TACC2: variants seen among roughly 807,000 people sequenced by gnomAD.
TACC2 encodes transforming acidic coiled-coil containing protein 2.
TACC2 carries 137 observed loss-of-function variants against 227.3 expected under a neutral mutation model. That is an observed-to-expected ratio of 0.60 (90% confidence interval 0.52 to 0.69). TACC2 has a LOEUF of 0.69. Ranked by LOEUF, TACC2 falls within the 30% of genes least tolerant of loss-of-function variation. The pLI is 0.00. For missense variants in TACC2, 3,470 were observed against 3,694.4 expected, an observed-to-expected ratio of 0.94 and a Z score of 1.57; for synonymous variants, 1,523 against 1,487.5, an observed-to-expected ratio of 1.02 and a Z score of -0.55.
intron 5 of TACC2, among the ~76,000 whole-genome samples, chr10:122,111,060 T>C (rs1206056600): frequency 6.6e-6 from 1 of 152,238 alleles, no homozygotes; most frequent in Admixed American, 6.5e-5. Context: ...GCCACATCTC[T>C]TTCTCTGACT....
rs1019018862 is a variant in TACC2 at position 122,011,903 on chromosome 10, T to C, written c.-45-10034T>C. 3.9e-5 allele frequency among the ~76,000 whole-genome samples: 6 copies of C among 152,026 alleles called. No individual in the cohort carries two copies. The South Asian group carries it at 8.3e-4, about 21-fold the overall frequency. On this transcript the variant is annotated intron_variant, in intron 1 of 22. Transcript: ENST00000369005. The stretch of plus-strand genomic sequence containing the variant: ...AGCTCTGCCAGCATATCAGTCAGAG[T>C]TGATGAAAACCTTCCAGTTTTTTGT...
At chr10:122,078,197 A>G (rs867873228) in intron 3 of TACC2, among the ~76,000 whole-genome samples, 159 of 80,530 alleles carry the variant, frequency 2.0e-3, no homozygotes, top group African/African-American at 6.3e-3. Flanking sequence ...TCCATCTCCA[A>G]AAAAAAAAAA....
At chr10:122,040,085 A>AGG (rs1491454531) in intron 2 of TACC2, among the ~76,000 whole-genome samples, 2 of 152,274 alleles carry the variant, frequency 1.3e-5, no homozygotes, top group East Asian at 3.9e-4. Flanking sequence ...GGCTGTTCTC[A>AGG]GGGGGCTCTA....
intron 3 of TACC2, among the ~76,000 whole-genome samples, chr10:122,065,071 G>A (rs2077239354): frequency 6.6e-6 from 1 of 152,138 alleles, no homozygotes; most frequent in Admixed American, 6.5e-5. Flanking sequence ...TTTTATACAC[G>A]GATACTTGTT....
chr10:122,124,118 A>G (rs2086373824), intron 5 of TACC2, among the ~76,000 whole-genome samples: 1 of 152,144 alleles, frequency 6.6e-6, no homozygotes, highest in Non-Finnish European at 1.5e-5. Flanking sequence ...GGCCTCTTTA[A>G]TCTTTATTAA....
At chr10:122,098,300 C>T (rs1012350842) in intron 5 of TACC2, among the ~76,000 whole-genome samples, 1 of 152,140 alleles carries the variant, frequency 6.6e-6, no homozygotes, top group Non-Finnish European at 1.5e-5. Context: ...GATCTTGTTT[C>T]TTGGAGAATG....
Position 122,083,938 on chromosome 10 carries a change from G to A in TACC2, c.1438G>A (p.Glu480Lys). ...RQVSDLGSKG[E>K]HPEGDPGEVP... ...GGTGTCAGATCTTGGAAGCAAGGGA[G>A]AGCATCCAGAAGGGGACCCTGGAGA... The change falls in exon 4 of 23, where the codon GAG (glutamate) becomes AAG (lysine). Residue 480 changes from glutamate to lysine, a missense_variant. Glu to Lys is a moderately conservative substitution (Grantham distance 56). Transcript: ENST00000369005. The A allele has an allele frequency of 6.2e-7, 1 of 1,614,062 alleles. No individual in the cohort carries two copies. The highest frequency in any genetic ancestry group is 8.5e-7 in the Non-Finnish European group (1 of 1,180,020).
chr10:122,218,360 C>G (rs1253562769), intron 11 of TACC2, among the ~76,000 whole-genome samples: 3 of 152,138 alleles, frequency 2.0e-5, no homozygotes, highest in African/African-American at 7.2e-5. Context: ...AAACGGCTTC[C>G]TCCCTGTCTG....
At chr10:122,009,324 A>G (rs929510841) in intron 1 of TACC2, among the ~76,000 whole-genome samples, 1 of 152,166 alleles carries the variant, frequency 6.6e-6, no homozygotes, top group African/African-American at 2.4e-5. Context: ...AGTTACCACA[A>G]AAGCTAACTT....
rs2090496143 is a variant in TACC2 at position 122,141,261 on chromosome 10, A to T, written c.5700-2311A>T. 6.6e-6 allele frequency among the ~76,000 whole-genome samples: 1 copy of T among 152,050 alleles called. No homozygotes were observed. The highest frequency in any genetic ancestry group is 1.5e-5 in the Non-Finnish European group (1 of 67,994). ...CCCATGTGTTAGCGCTTGGGCTTGG[A>T]TGGTGAGTCACTGAGTGTTTCCTCG... On this transcript the variant is annotated intron_variant, in intron 6 of 22. Coordinates refer to ENST00000369005, the MANE Select transcript of TACC2 (RefSeq NM_206862.4). This position sits in a 1 kb window ranked among gnomAD's most constrained non-coding sequence, Gnocchi z 4.3.
At chr10:122,226,562 C>T in intron 13 of TACC2, 81 bp downstream of exon 13, 1 of 1,029,472 alleles carries the variant, frequency 9.7e-7, no homozygotes, top group Non-Finnish European at 1.5e-6. Flanking sequence ...GTTATTTTGA[C>T]TTCATTTCAG....
rs772979275 is a variant in TACC2 at position 122,087,814 on chromosome 10, C to T, written c.5314C>T (p.Pro1772Ser). 1 of 1,572,544 alleles carries T rather than the reference C, an allele frequency of 6.4e-7. No homozygotes were observed. Among genetic ancestry groups the T allele is most frequent in the Non-Finnish European group, 8.6e-7 (1 of 1,157,900 alleles). ...AALHGDSPAR[P>S]QQAKEQPGPE... Reference sequence around the variant, plus strand: ...CCTTCATGGGGACAGCCCAGCCAGGCCCCAGCAGGCTAAGGAGCAGCCAGG... The same window carrying T: ...CCTTCATGGGGACAGCCCAGCCAGGTCCCAGCAGGCTAAGGAGCAGCCAGG... The change falls in exon 4 of 23, where the codon CCC becomes TCC. Residue 1772 changes from proline (P) to serine (S), a missense_variant. By Grantham distance (74) the Pro-to-Ser change is moderately conservative. Around this residue, in one of 10 missense-constraint regions of TACC2, gnomAD observed 1,924 missense variants for 1,978.3 expected, o/e 0.97. Transcript: ENST00000369005.
chr10:122,147,272 G>A (rs1255148283), intron 7 of TACC2, among the ~76,000 whole-genome samples: 1 of 152,020 alleles, frequency 6.6e-6, no homozygotes, highest in Non-Finnish European at 1.5e-5. Context: ...AACCTCCTGA[G>A]TAGCTGGGAT....
intron 16 of TACC2, among the ~76,000 whole-genome samples, chr10:122,231,013 G>A (rs139456635): frequency 2.0e-5 from 3 of 152,128 alleles, no homozygotes; most frequent in Non-Finnish European, 1.5e-5. Flanking sequence ...CTTGTGGGCC[G>A]TACTGTCTGG....
intron 5 of TACC2, among the ~76,000 whole-genome samples, chr10:122,090,496 G>C (rs1344618521): frequency 7.0e-6 from 1 of 142,876 alleles, no homozygotes; most frequent in African/African-American, 2.6e-5. Flanking sequence ...GCAGTGAGCC[G>C]AGATTGCGCC....
chr10:122,004,731 G>A (rs1312742931), intron 1 of TACC2, among the ~76,000 whole-genome samples: 2 of 152,094 alleles, frequency 1.3e-5, no homozygotes, highest in East Asian at 3.9e-4. Context: ...TTTGGGGGAG[G>A]CCAATTTAAG....
intron 2 of TACC2, among the ~76,000 whole-genome samples, chr10:122,025,700 A>G (rs1190060270): frequency 6.6e-6 from 1 of 151,012 alleles, no homozygotes; most frequent in Non-Finnish European, 1.5e-5. Context: ...CAGTCTCCCA[A>G]GTAGCTGGGA....
chr10:122,023,616 T>A (rs1225372787), intron 2 of TACC2: 3 of 148,950 alleles, frequency 2.0e-5, no homozygotes, highest in African/African-American at 5.0e-5. Context: ...GGACACAGGA[T>A]GGGGAACATC....
intron 3 of TACC2, among the ~76,000 whole-genome samples, chr10:122,081,630 G>A (rs936938493): frequency 1.3e-5 from 2 of 151,836 alleles, no homozygotes; most frequent in African/African-American, 4.8e-5. Flanking sequence ...TGGATAGTTA[G>A]TTATCTGTAG....
Sources: gnomAD v4.1 joint callset for allele counts (sites outside exome capture counted in the v4.1 genomes callset) on GRCh38, gnomAD v4.1.1 for gene constraint, gnomAD v4.1.1 regional missense constraint, Gnocchi (gnomAD v3.1) non-coding constraint, MANE v1.5 for transcripts, NCBI Gene and HGNC (gene_info 2026-07-23, HGNC 2026-07-21) for gene names.